Variants in SOCS6 observed in about 807,000 individuals in gnomAD.
SOCS6 encodes the protein suppressor of cytokine signaling 6.
Under a neutral mutation model 27.7 loss-of-function variants are expected in SOCS6, and 5 were observed. The ratio of observed to expected loss-of-function variants is 0.18; its 90% confidence interval spans 0.09 to 0.38. SOCS6 has a LOEUF of 0.38. SOCS6 is among the 10% of genes least tolerant of loss of function. The pLI is 1.00. For missense variants in SOCS6, 595 were observed against 688.1 expected (o/e 0.86, Z 1.51); for synonymous variants, 271 against 260.0 (o/e 1.04, Z -0.41).
chr18:70,310,265 T>C (rs1007271822), intron 1 of SOCS6, among the ~76,000 whole-genome samples: 1 of 150,694 alleles, frequency 6.6e-6, no homozygotes, highest in African/African-American at 2.5e-5. Context: ...TTTTAAAATA[T>C]AGTTTTCATA....
chr18:70,300,704 C>T (rs2062344566), intron 1 of SOCS6, among the ~76,000 whole-genome samples: 1 of 152,144 alleles, frequency 6.6e-6, no homozygotes. Context: ...TAGTATCCCC[C>T]TGCAAATTTA....
At chr18:70,304,776 A>G (rs1183903304) in intron 1 of SOCS6, among the ~76,000 whole-genome samples, 1 of 152,208 alleles carries the variant, frequency 6.6e-6, no homozygotes, top group African/African-American at 2.4e-5. Context: ...TTGAAACACA[A>G]ACACTTTTAA....
chr18:70,308,187 A>C (rs992295844), intron 1 of SOCS6, among the ~76,000 whole-genome samples: 1 of 152,104 alleles, frequency 6.6e-6, no homozygotes, highest in African/African-American at 2.4e-5. Flanking sequence ...CAGAGAACAT[A>C]CTTGGTATAA....
At chr18:70,292,254 A>T (rs2062302953) in intron 1 of SOCS6, among the ~76,000 whole-genome samples, 1 of 152,232 alleles carries the variant, frequency 6.6e-6, no homozygotes, top group African/African-American at 2.4e-5. Context: ...CACGTTCTGT[A>T]TGCCCTCTGA....
chr18:70,324,024 C>T (rs1037995075), intron 1 of SOCS6, among the ~76,000 whole-genome samples: 6 of 152,060 alleles, frequency 3.9e-5, no homozygotes, highest in Non-Finnish European at 7.4e-5. Flanking sequence ...CATCATCGGG[C>T]GGGGCATGGT....
chr18:70,293,961 C>T (rs1023272856), intron 1 of SOCS6, among the ~76,000 whole-genome samples: 1 of 151,910 alleles, frequency 6.6e-6, no homozygotes, highest in African/African-American at 2.4e-5. Context: ...CATGGTGGCA[C>T]ACACCTGTAG....
In SOCS6 at chr18:70,328,705, A is replaced by G. The variant is rs1029541392; in HGVS notation, c.*2429A>G. 7 of 167,014 alleles carry G rather than the reference A, an allele frequency of 4.2e-5. No individual in the cohort carries two copies. Among genetic ancestry groups the G allele is most frequent in the Non-Finnish European group, 1.0e-4 (7 of 68,122 alleles). The allele number at this position is 167,014 out of a possible 1,614,324, so 10.3% of individuals were successfully genotyped here. Reference sequence around the variant, plus strand: ...CTATTTGCCAAAAAGTTAAATTTACAAGCAGAAAGATGTTTTGCGATATTT... The same window carrying G: ...CTATTTGCCAAAAAGTTAAATTTACGAGCAGAAAGATGTTTTGCGATATTT... On this transcript the variant is annotated 3_prime_UTR_variant, in exon 2 of 2. Transcript: ENST00000397942.
At chr18:70,322,942 G>A (rs1568604706) in intron 1 of SOCS6, among the ~76,000 whole-genome samples, 1 of 152,234 alleles carries the variant, frequency 6.6e-6, no homozygotes, top group Admixed American at 6.5e-5. Context: ...ATTACTGAAG[G>A]GTTGATACTA....
intron 1 of SOCS6, among the ~76,000 whole-genome samples, chr18:70,290,722 TG>T (rs2062295094): frequency 6.6e-6 from 1 of 152,254 alleles, no homozygotes; most frequent in Non-Finnish European, 1.5e-5. Flanking sequence ...CGCTTGTGCC[TG>T]GGTAAGGGTC....
intron 1 of SOCS6, among the ~76,000 whole-genome samples, chr18:70,289,604 G>C (rs1242592205): frequency 6.8e-6 from 1 of 147,458 alleles, no homozygotes; most frequent in Non-Finnish European, 1.5e-5. Flanking sequence ...TCGGGCTCGG[G>C]CTCGGGGTCG....
At position 70,329,996 on chromosome 18, in the gene SOCS6, T is replaced by C. The variant is rs903424983; in HGVS notation, c.*3720T>C. 3 of 167,096 alleles carry C rather than the reference T, an allele frequency of 1.8e-5. No individual in the cohort carries two copies. Among genetic ancestry groups the C allele is most frequent in the Non-Finnish European group, 4.4e-5 (3 of 68,122 alleles). The allele number at this position is 167,096 out of a possible 1,614,324, so 10.4% of individuals were successfully genotyped here. A position where few individuals can be genotyped will look rare whatever the true frequency, so the allele number is the denominator to read the frequency against. ...TTCAGATTGCGGTAGTTTACACTTT[T>C]TCTGTATGTTTCAAATCAGGTGTGT... On this transcript the variant is annotated 3_prime_UTR_variant, in exon 2 of 2. Transcript: ENST00000397942.
Position 70,325,029 on chromosome 18 carries a change from C to T in SOCS6, c.361C>T (p.Pro121Ser). Residue 121 changes from proline (P) to serine (S), a missense_variant, in exon 2 of 2, where the codon CCG (proline) becomes TCG (serine). Pro to Ser is a moderately conservative substitution (Grantham distance 74). This residue lies in a region of SOCS6 where 467 missense variants were observed against 481.1 expected (regional missense o/e 0.97). Coordinates refer to ENST00000397942, the MANE Select transcript of SOCS6 (RefSeq NM_004232.4). This position sits in a 1 kb window ranked among gnomAD's most constrained non-coding sequence, Gnocchi z 6.3. ...IVFKDVRAQR[P>S]IRSTSLRSHH... ...CTTTAAAGACGTGAGAGCTCAGAGG[C>T]CGATAAGGTCCACGTCGCTCCGCAG... is the stretch of plus-strand genomic sequence containing the variant. 6.2e-7 allele frequency: 1 copy of T among 1,614,146 alleles called. No homozygotes were observed.
At chr18:70,303,721 G>A (rs994937866) in intron 1 of SOCS6, among the ~76,000 whole-genome samples, 3 of 152,170 alleles carry the variant, frequency 2.0e-5, no homozygotes, top group African/African-American at 7.2e-5. Context: ...AACCCGGGAA[G>A]CAGAGGTTGC....
At chr18:70,305,390 G>A (rs898111082) in intron 1 of SOCS6, among the ~76,000 whole-genome samples, 1 of 152,190 alleles carries the variant, frequency 6.6e-6, no homozygotes, top group Non-Finnish European at 1.5e-5. Flanking sequence ...GACGTTTCTT[G>A]AAAATCAGTC....
chr18:70,305,766 A>G (rs1231641436), intron 1 of SOCS6, among the ~76,000 whole-genome samples: 1 of 152,156 alleles, frequency 6.6e-6, no homozygotes, highest in African/African-American at 2.4e-5. Flanking sequence ...TGAATCTTGT[A>G]CTACATGTGT....
intron 1 of SOCS6, among the ~76,000 whole-genome samples, chr18:70,321,312 G>GCTTT (rs1910977643): frequency 1.5e-5 from 1 of 68,676 alleles, no homozygotes; most frequent in East Asian, 5.9e-4. Context: ...AATTTTCTCA[G>GCTTT]TTTTTTTTTT....
intron 1 of SOCS6, among the ~76,000 whole-genome samples, chr18:70,290,985 T>G (rs1462267137): frequency 6.6e-6 from 1 of 152,178 alleles, no homozygotes; most frequent in East Asian, 1.9e-4. Flanking sequence ...TGACTGGGCG[T>G]AGGGTGGAAA....
At chr18:70,313,737 C>T (rs567681210) in intron 1 of SOCS6, among the ~76,000 whole-genome samples, 2 of 152,132 alleles carry the variant, frequency 1.3e-5, no homozygotes, top group African/African-American at 4.8e-5. Flanking sequence ...CCTCCTCTAG[C>T]GTTAAGCTGT....
At chr18:70,302,895 T>C (rs2062354682) in intron 1 of SOCS6, among the ~76,000 whole-genome samples, 1 of 152,212 alleles carries the variant, frequency 6.6e-6, no homozygotes, top group South Asian at 2.1e-4. Flanking sequence ...AAAAACCCAA[T>C]AGTCTCATCT....
Sources: allele counts gnomAD v4.1 joint callset (sites outside exome capture counted in the v4.1 genomes callset), GRCh38; gene constraint gnomAD v4.1.1; regional missense constraint gnomAD v4.1.1; non-coding constraint Gnocchi (gnomAD v3.1); transcripts MANE v1.5; gene names NCBI Gene and HGNC (gene_info 2026-07-23, HGNC 2026-07-21).